Variants in PKD1 observed in about 807,000 individuals in gnomAD.
The protein encoded by PKD1 is polycystin-1.
A neutral mutation model predicts 361.7 loss-of-function variants in PKD1; 81 were observed. That is an observed-to-expected ratio of 0.22 (90% CI 0.19 to 0.27). The LOEUF is 0.27. Among genes scored for constraint, PKD1 ranks in the 10% least tolerant of loss-of-function variants. The pLI is 1.00. For synonymous variants in PKD1, 3,615 were observed against 2,818.3 expected (o/e 1.28, Z -8.95); for missense variants, 6,399 against 6,118.3 (o/e 1.05, Z -1.53).
Position 2,109,211 on chromosome 16 carries a change from T to C in PKD1, c.5956A>G (p.Thr1986Ala), listed in dbSNP as rs747008112. 2 of 1,595,630 alleles carry C rather than the reference T, an allele frequency of 1.3e-6. No homozygotes were observed. Among genetic ancestry groups the C allele is most frequent in the South Asian group, 1.1e-5 (1 of 90,698 alleles). Residue 1986 changes from threonine (T) to alanine (A), a missense_variant, in exon 15 of 46, where the codon ACG (threonine) becomes GCG (alanine). Transcript: ENST00000262304. ...GCTGTGAAGTTCCTCTCAGTGCCCG[T>C]GGCGATGCCAGGCTCGCAGCAGTTG... ...VPNCCEPGIA[T>A]GTERNFTARV... is the part of the protein sequence containing the mutation.
At position 2,100,429 on chromosome 16, in the gene PKD1, C is replaced by T. The variant is rs141487504; in HGVS notation, c.9535G>A (p.Val3179Met). 1.6e-5 allele frequency: 26 copies of T among 1,611,176 alleles called. No homozygotes were observed. Among genetic ancestry groups the T allele is most frequent in the East Asian group, 2.2e-5 (1 of 44,874 alleles). Residue 3179 changes from valine (V) to methionine (M), a missense_variant, in exon 27 of 46, where the codon GTG becomes ATG. Transcript: ENST00000262304. This position sits in a 1 kb window ranked among gnomAD's most constrained non-coding sequence, Gnocchi z 4.4. ...RIATPHSLGS[V>M]WKIRVWHDNK... ...TCGTGCCACACTCGGATCTTCCACA[C>T]GCTACCCAGGCTGTGCGGGGTGGCG...
chr16:2,114,624 G>A lies in PKD1; in HGVS notation c.2399C>T (p.Ala800Val). ...CCTGGACACGCCATTGCCCACCTCT[G>A]CCCGGACCTCATAGCGCCCAGGCAG... ...LRLPGRYEVRAEVGNGVSRHN... is the reference protein window; with the variant it reads ...LRLPGRYEVRVEVGNGVSRHN... The change falls in exon 11 of 46, where the codon GCA becomes GTA. Residue 800 changes from alanine (A) to valine (V), a missense_variant. Ala to Val is a moderately conservative substitution (Grantham distance 64, BLOSUM62 0). Transcript: ENST00000262304. The A allele has an allele frequency of 6.4e-7, 1 of 1,574,632 alleles. No homozygotes were observed. The highest frequency in any genetic ancestry group is 8.5e-7 in the Non-Finnish European group (1 of 1,169,598).
intron 34 of PKD1, 100 bp downstream of exon 34, chr16:2,097,048 A>ACCCCC: frequency 1.4e-6 from 1 of 722,746 alleles, no homozygotes; most frequent in Non-Finnish European, 2.4e-6. Context: ...CTGCCCTGGC[A>ACCCCC]CCCCACCCCA....
chr16:2,120,211 C>A (rs2092698505), intron 1 of PKD1: 3 of 276,410 alleles, frequency 1.1e-5, no homozygotes, highest in Admixed American at 9.7e-5. Context: ...GACTCTACCT[C>A]AAAAATAAAT....
In PKD1 at chr16:2,108,914, G is replaced by C. The variant is rs1243820650; in HGVS notation, c.6253C>G (p.Pro2085Ala). Reference sequence around the variant, plus strand: ...TGGTAGGCCACACGCCGGGGGCTGGGGCTGGTGGCGGCCTCAAACTGCGCC... The same window carrying C: ...TGGTAGGCCACACGCCGGGGGCTGGCGCTGGTGGCGGCCTCAAACTGCGCC... Reference protein sequence around the residue: ...RSAQFEAATSPSPRRVAYHWD... With the variant: ...RSAQFEAATSASPRRVAYHWD... The change falls in exon 15 of 46, where the codon CCC becomes GCC. Residue 2085 changes from proline (P) to alanine (A), a missense_variant. Physicochemically the swap from Pro to Ala is conservative, Grantham distance 27. Coordinates refer to ENST00000262304, the MANE Select transcript of PKD1 (RefSeq NM_001009944.3). The C allele has an allele frequency of 6.3e-7, 1 of 1,589,556 alleles. No individual in the cohort carries two copies. The highest frequency in any genetic ancestry group is 8.5e-7 in the Non-Finnish European group (1 of 1,169,782).
chr16:2,103,240 G>A lies in PKD1; in HGVS notation c.8791+26C>T, dbSNP rs771404925. 17 of 1,607,092 alleles carry A rather than the reference G, an allele frequency of 1.1e-5. No homozygotes were observed. In the East Asian group the frequency reaches 1.8e-4, roughly 17 times the overall value. On this transcript the variant is annotated intron_variant, in intron 23 of 45. Transcript: ENST00000262304. ...CCCCCAAGAACAAGGCCAGGGGGCC[G>A]CGTGTGCCCCACCCGCTGCACGCAC...
chr16:2,091,013 G>T lies in PKD1; in HGVS notation c.11874C>A (p.Ala3958=), dbSNP rs1273771633. ...CGAAACGGGTCCACTGGCGGTCAGC[G>T]GCACCCAGCTGGGCGAGGCGTACCA... ...TALVRLAQLG[A]ADRQWTRFVR... The change falls in exon 43 of 46, where the codon GCC becomes GCA. Residue 3958 remains alanine (A), a synonymous_variant. Coordinates refer to ENST00000262304, the MANE Select transcript of PKD1 (RefSeq NM_001009944.3). 5.9e-6 allele frequency: 9 copies of T among 1,533,586 alleles called. No individual in the cohort carries two copies. Among genetic ancestry groups the T allele is most frequent in the Non-Finnish European group, 7.9e-6 (9 of 1,145,680 alleles). The allele number at this position is 1,533,586 out of a possible 1,614,324, so 95.0% of individuals were successfully genotyped here. A position where few individuals can be genotyped will look rare whatever the true frequency, so the allele number is the denominator to read the frequency against.
Position 2,109,692 on chromosome 16 carries a change from A to C in PKD1, c.5475T>G (p.Phe1825Leu), listed in dbSNP as rs1470718483. Residue 1825 changes from phenylalanine (F) to leucine (L), a missense_variant, in exon 15 of 46, where the codon TTT becomes TTG. By Grantham distance (22) the Phe-to-Leu change is conservative. Coordinates refer to ENST00000262304, the MANE Select transcript of PKD1 (RefSeq NM_001009944.3). ...TGGTGCCCGTGGCCAGCTGCCCCCA[A>C]AAGGGCACAGAGGACCCGGCCGCCA... Reference protein sequence around the residue: ...SFVAAGSSVPFWGQLATGTNV... With the variant: ...SFVAAGSSVPLWGQLATGTNV... 6.3e-7 allele frequency: 1 copy of C among 1,594,164 alleles called. No individual in the cohort carries two copies. Among genetic ancestry groups the C allele is most frequent in the Non-Finnish European group, 8.5e-7 (1 of 1,171,802 alleles).
intron 1 of PKD1, among the ~76,000 whole-genome samples, chr16:2,122,350 C>T (rs1341999900): frequency 3.3e-5 from 5 of 152,198 alleles, no homozygotes; most frequent in African/African-American, 1.2e-4. Context: ...GCCCTGGGCT[C>T]CGGGAGGGGA....
At chr16:2,128,630 T>C (rs1376121641) in intron 1 of PKD1, among the ~76,000 whole-genome samples, 1 of 152,014 alleles carries the variant, frequency 6.6e-6, no homozygotes, top group African/African-American at 2.4e-5. Flanking sequence ...CGTGATGAGG[T>C]ATGGAGAGAC....
chr16:2,097,571 C>G (rs1270389462), intron 32 of PKD1, 68 bp from the exon 33 acceptor site: 2 of 1,604,314 alleles, frequency 1.2e-6, no homozygotes. Context: ...CCCGTCCAGT[C>G]ACGCACGGAC....
rs574713017 is a variant in PKD1 at position 2,102,469 on chromosome 16, G to C, written c.9113C>G (p.Pro3038Arg). 1.9e-5 allele frequency: 30 copies of C among 1,557,486 alleles called. No individual in the cohort carries two copies. The South Asian group carries it at 3.2e-4, about 16-fold the overall frequency. ...EGLLPLEETS[P>R]RQAVCLTRHL... ...GCGGGTGAGGCAGACGGCCTGGCGG[G>C]GCGAGGTCTCCTCCAGGGGCAGCAG... The change falls in exon 25 of 46, where the codon CCC (proline) becomes CGC (arginine). Residue 3038 changes from proline to arginine, a missense_variant. Pro to Arg is a moderately radical substitution (Grantham distance 103). Coordinates refer to ENST00000262304, the MANE Select transcript of PKD1 (RefSeq NM_001009944.3).
At position 2,108,365 on chromosome 16, in the gene PKD1, A is replaced by G; in HGVS notation, c.6802T>C (p.Trp2268Arg). The change falls in exon 15 of 46, where the codon TGG becomes CGG. Residue 2268 changes from tryptophan to arginine, a missense_variant. Trp to Arg is a moderately radical substitution (Grantham distance 101, BLOSUM62 -3). Transcript: ENST00000262304. Reference sequence around the variant, plus strand: ...AGCACCAGGTCCCGTGTGTCTGACCACACGCGGTATGAGCCACCCTCAATG... The same window carrying G: ...AGCACCAGGTCCCGTGTGTCTGACCGCACGCGGTATGAGCCACCCTCAATG... The part of the protein sequence containing the change: ...PIIEGGSYRV[W>R]SDTRDLVLDG... The G allele has an allele frequency of 6.2e-7, 1 of 1,610,342 alleles. No homozygotes were observed. The highest frequency in any genetic ancestry group is 8.5e-7 in the Non-Finnish European group (1 of 1,179,556).
chr16:2,094,003 C>T lies in PKD1; in HGVS notation c.10629G>A (p.Glu3543=). 6.3e-7 allele frequency: 1 copy of T among 1,589,170 alleles called. No homozygotes were observed. The highest frequency in any genetic ancestry group is 8.6e-7 in the Non-Finnish European group (1 of 1,169,528). The change falls in exon 36 of 46, where the codon GAG becomes GAA. Residue 3543 remains glutamate, a synonymous_variant. Coordinates refer to ENST00000262304, the MANE Select transcript of PKD1 (RefSeq NM_001009944.3). The part of the protein sequence containing the change: ...AARLSRTGLV[E]GLRKRLLPAW... ...CCGGCAGCAGGCGCTTCCGCAGACC[C>T]TCCACCAGTCCTGGGGAAGCAGAGA...
In PKD1 at chr16:2,088,897, ACAGT is replaced by A. The variant is rs1470156124; in HGVS notation, c.*826_*829del. 2.3e-6 allele frequency: 1 copy of A among 425,912 alleles called. No homozygotes were observed. The highest frequency in any genetic ancestry group is 4.3e-6 in the Non-Finnish European group (1 of 231,112). The allele number at this position is 425,912 out of a possible 1,614,324, so 26.4% of individuals were successfully genotyped here. On this transcript the variant is annotated 3_prime_UTR_variant, in exon 46 of 46. Transcript: ENST00000262304. Reference sequence around the variant, plus strand: ...TGCGCGCGCGCACACACACACACACACAGTCACCTTCCTCCACCCTGGGAGCCAG... The same window carrying A: ...TGCGCGCGCGCACACACACACACACACACCTTCCTCCACCCTGGGAGCCAG...
intron 34 of PKD1, chr16:2,096,868 A>G: frequency 9.3e-6 from 5 of 536,162 alleles, no homozygotes; most frequent in Non-Finnish European, 1.7e-5. Flanking sequence ...CTCTGAGACC[A>G]AGATAAAAAC....
At chr16:2,113,571 T>C (rs2092574470) in intron 11 of PKD1, among the ~76,000 whole-genome samples, 1 of 144,474 alleles carries the variant, frequency 6.9e-6, no homozygotes, top group Non-Finnish European at 1.5e-5. Context: ...AGAGTCCACC[T>C]CTCTCTGAGT....
intron 1 of PKD1, chr16:2,123,400 G>C (rs192877685): frequency 2.2e-6 from 1 of 454,378 alleles, no homozygotes; most frequent in Non-Finnish European, 4.4e-6. Flanking sequence ...CATCTGCCCT[G>C]GGCAGGACTC....
intron 38 of PKD1, 102 bp downstream of exon 38, chr16:2,092,852 C>T (rs2091660588): frequency 6.4e-6 from 9 of 1,408,902 alleles, no homozygotes; most frequent in Non-Finnish European, 9.0e-6. Flanking sequence ...GTTCTAGCAG[C>T]CACAAAGGTA....
Sources: allele counts gnomAD v4.1 joint callset (sites outside exome capture counted in the v4.1 genomes callset), GRCh38; gene constraint gnomAD v4.1.1; non-coding constraint Gnocchi (gnomAD v3.1); transcripts MANE v1.5; gene names NCBI Gene and HGNC (gene_info 2026-07-23, HGNC 2026-07-21).